ARHGEF26: variants seen among roughly 807,000 people sequenced by gnomAD.
ARHGEF26 encodes Rho guanine nucleotide exchange factor 26, also known as Rho guanine nucleotide exchange factor (GEF) 26.
Under a neutral mutation model 89.4 loss-of-function variants are expected in ARHGEF26, and 59 were observed. That is an observed-to-expected ratio of 0.66 (90% CI 0.54 to 0.82). The LOEUF (loss-of-function observed/expected upper bound fraction) is 0.82, where lower values mean the gene tolerates loss of function less well. Ranked by LOEUF, ARHGEF26 falls within the 40% of genes least tolerant of loss-of-function variation. ARHGEF26 has a pLI of 0.00. For missense variants in ARHGEF26, 1,234 were observed against 1,085.6 expected, an observed-to-expected ratio of 1.14 and a Z score of -1.92; for synonymous variants, 500 against 428.4, an observed-to-expected ratio of 1.17 and a Z score of -2.06.
rs186739296 is a variant in ARHGEF26 at position 154,149,868 on chromosome 3, C to T, written c.1326+423C>T. 1.9e-4 allele frequency among the ~76,000 whole-genome samples: 28 copies of T among 151,156 alleles called. No homozygotes were observed. In the East Asian group the frequency reaches 5.1e-3, roughly 27 times the overall value. On this transcript the variant is annotated intron_variant, in intron 5 of 14. Coordinates refer to ENST00000465093, the MANE Select transcript of ARHGEF26 (RefSeq NM_015595.4). The stretch of plus-strand genomic sequence containing the variant: ...ATGTAGCATACAAGGGTCTCTGAAC[C>T]CTTTTTGCAAGTTTTCTATAAATTT...
intron 10 of ARHGEF26, among the ~76,000 whole-genome samples, chr3:154,218,604 T>G (rs1330644205): frequency 6.6e-6 from 1 of 152,250 alleles, no homozygotes; most frequent in Non-Finnish European, 1.5e-5. Context: ...CTCTATTGTT[T>G]TATAACTTGT....
At position 154,122,188 on chromosome 3, in the gene ARHGEF26, G is replaced by T. The variant is rs759124391; in HGVS notation, c.196G>T (p.Ala66Ser). 6.2e-7 allele frequency: 1 copy of T among 1,600,696 alleles called. No individual in the cohort carries two copies. The highest frequency in any genetic ancestry group is 1.7e-5 in the Admixed American group (1 of 57,992). Residue 66 changes from alanine (A) to serine (S), a missense_variant, in exon 2 of 15, where the codon GCC (alanine) becomes TCC (serine). Transcript: ENST00000465093. ...GACGCTCCTCGCAGCGCAGATTCCCGCCCAGGTGCCCACCGCCTCGGACAG... is the reference window on the plus strand; with the variant it reads ...GACGCTCCTCGCAGCGCAGATTCCCTCCCAGGTGCCCACCGCCTCGGACAG... ...GGTLLAAQIP[A>S]QVPTASDSRT...
intron 6 of ARHGEF26, among the ~76,000 whole-genome samples, chr3:154,164,375 T>C (rs964303662): frequency 1.5e-4 from 23 of 152,034 alleles, no homozygotes; most frequent in Admixed American, 1.0e-3. Flanking sequence ...GCCTTGTTTT[T>C]TAATTTTAAA....
intron 6 of ARHGEF26, among the ~76,000 whole-genome samples, chr3:154,162,773 G>A (rs180875915): frequency 1.7e-4 from 26 of 152,234 alleles, no homozygotes; most frequent in East Asian, 3.9e-4. Context: ...CTGAGCTGCC[G>A]AGATAGGCTC....
chr3:154,190,210 A>G (rs1265754691), intron 7 of ARHGEF26, among the ~76,000 whole-genome samples: 4 of 151,908 alleles, frequency 2.6e-5, no homozygotes, highest in African/African-American at 9.7e-5. Flanking sequence ...CAGATTTAAC[A>G]TTAGAAAACT....
chr3:154,136,450 C>T (rs1719014215), intron 4 of ARHGEF26, among the ~76,000 whole-genome samples: 1 of 151,978 alleles, frequency 6.6e-6, no homozygotes. Context: ...CTGTGGGAGA[C>T]TTTCTGGAAT....
chr3:154,207,014 G>A (rs1443610112), intron 9 of ARHGEF26, among the ~76,000 whole-genome samples: 3 of 152,092 alleles, frequency 2.0e-5, no homozygotes, highest in Non-Finnish European at 2.9e-5. Flanking sequence ...TGTGGAGAAA[G>A]GATTTCCTAT....
intron 6 of ARHGEF26, among the ~76,000 whole-genome samples, chr3:154,182,602 A>G (rs1559882800): frequency 1.3e-5 from 2 of 152,220 alleles, no homozygotes; most frequent in African/African-American, 2.4e-5. Context: ...TGCTGAGACC[A>G]TTCAACATTA....
chr3:154,178,210 C>A (rs1228627924), intron 6 of ARHGEF26, among the ~76,000 whole-genome samples: 2 of 152,014 alleles, frequency 1.3e-5, no homozygotes, highest in Non-Finnish European at 2.9e-5. Flanking sequence ...TCTTAAAAAA[C>A]AATAAATAAA....
intron 4 of ARHGEF26, among the ~76,000 whole-genome samples, chr3:154,130,758 C>T (rs936370861): frequency 6.6e-6 from 1 of 152,128 alleles, no homozygotes; most frequent in Non-Finnish European, 1.5e-5. Context: ...GGGAGCTTTG[C>T]ATCAAAAACA....
intron 11 of ARHGEF26, among the ~76,000 whole-genome samples, chr3:154,234,858 C>T (rs1012231034): frequency 2.6e-5 from 4 of 152,166 alleles, no homozygotes; most frequent in African/African-American, 9.7e-5. Flanking sequence ...GTCCGCCTCT[C>T]AGGTTCACGC....
chr3:154,198,810 C>G (rs563419887), intron 9 of ARHGEF26, among the ~76,000 whole-genome samples: 3 of 152,144 alleles, frequency 2.0e-5, no homozygotes, highest in Admixed American at 2.0e-4. Context: ...CCAAAATCTC[C>G]TAAATCACCA....
intron 6 of ARHGEF26, among the ~76,000 whole-genome samples, chr3:154,180,691 A>G (rs1713126491): frequency 8.1e-5 from 1 of 12,410 alleles, no homozygotes; most frequent in Admixed American, 1.1e-3. Flanking sequence ...TTCCCCTCAC[A>G]TCCCAAACCA....
In ARHGEF26 at chr3:154,239,250, G is replaced by A. The variant is rs537715199; in HGVS notation, c.2091-1120G>A. Reference sequence around the variant, plus strand: ...TGTTGGGGACTTGATGTAAATGACCGAGAGAGAGAGGGAGAGAGAGAGAGA... The same window carrying A: ...TGTTGGGGACTTGATGTAAATGACCAAGAGAGAGAGGGAGAGAGAGAGAGA... On this transcript the variant is annotated intron_variant, in intron 11 of 14. Coordinates refer to ENST00000465093, the MANE Select transcript of ARHGEF26 (RefSeq NM_015595.4). Among the ~76,000 whole-genome samples the A allele has an allele frequency of 7.0e-4, 8 of 11,404 alleles. No homozygotes were observed. In the South Asian group the frequency reaches 0.041, roughly 58 times the overall value. The allele number at this position is 11,404 out of a possible 152,430, so 7.5% of individuals were successfully genotyped here. A position where few individuals can be genotyped will look rare whatever the true frequency, so the allele number is the denominator to read the frequency against.
In ARHGEF26 at chr3:154,233,938, T is replaced by A. The variant is rs547267290; in HGVS notation, c.2091-6432T>A. On this transcript the variant is annotated intron_variant, in intron 11 of 14. Coordinates refer to ENST00000465093, the MANE Select transcript of ARHGEF26 (RefSeq NM_015595.4). Reference sequence around the variant, plus strand: ...AGCTATGTGAATGTTCTAAAGCCTATGGAAAGGAAACTACTGAATAGGTAA... The same window carrying A: ...AGCTATGTGAATGTTCTAAAGCCTAAGGAAAGGAAACTACTGAATAGGTAA... Among the ~76,000 whole-genome samples, 3 of 152,354 alleles carry A rather than the reference T, an allele frequency of 2.0e-5. No individual in the cohort carries two copies. The South Asian group carries it at 6.2e-4, about 32-fold the overall frequency.
intron 6 of ARHGEF26, among the ~76,000 whole-genome samples, chr3:154,175,608 T>C (rs1712768690): frequency 6.6e-6 from 1 of 152,236 alleles, no homozygotes; most frequent in South Asian, 2.1e-4. Context: ...TTGTATCCCC[T>C]GAGAAATACT....
intron 4 of ARHGEF26, among the ~76,000 whole-genome samples, chr3:154,130,786 G>A (rs892404226): frequency 5.3e-5 from 8 of 152,192 alleles, no homozygotes; most frequent in Non-Finnish European, 1.2e-4. Context: ...ACACCTCCAT[G>A]AGTCCTTAGG....
At chr3:154,149,479 T>G in intron 5 of ARHGEF26, 34 bp downstream of exon 5, 3 of 1,577,850 alleles carry the variant, frequency 1.9e-6, no homozygotes, top group Non-Finnish European at 2.6e-6. Context: ...TTTAGAGCTC[T>G]GGAGTGTGCA....
chr3:154,240,630 C>T, intron 12 of ARHGEF26, 51 bp downstream of exon 12: 1 of 1,492,142 alleles, frequency 6.7e-7, no homozygotes, highest in Non-Finnish European at 9.0e-7. Flanking sequence ...TCTCCCTGAC[C>T]TGATTTTCTT....
Sources: gnomAD v4.1 joint callset for allele counts (sites outside exome capture counted in the v4.1 genomes callset) on GRCh38, gnomAD v4.1.1 for gene constraint, MANE v1.5 for transcripts, NCBI Gene and HGNC (gene_info 2026-07-23, HGNC 2026-07-21) for gene names.